The following TXLNB variants were observed in gnomAD, a reference collection of about 807,000 sequenced individuals.
TXLNB encodes taxilin beta, also known as beta-taxilin.
A neutral mutation model predicts 57.4 loss-of-function variants in TXLNB; 37 were observed. That is an observed-to-expected ratio of 0.64 (90% CI 0.50 to 0.85). The LOEUF (loss-of-function observed/expected upper bound fraction) is 0.85. Among genes scored for constraint, TXLNB ranks in the 40% least tolerant of loss-of-function variants. TXLNB has a pLI of 0.00. For missense variants in TXLNB, 848 were observed against 825.6 expected (o/e 1.03, Z -0.33); for synonymous variants, 302 against 309.6 (o/e 0.98, Z 0.26).
the TXLNB span, among the ~76,000 whole-genome samples, chr6:139,212,032 G>A: frequency 6.6e-6 from 1 of 152,194 alleles, no homozygotes; most frequent in South Asian, 2.1e-4. Context: ...AGGGAGAATG[G>A]AACCAAGTTG....
At chr6:139,184,376 T>C in the TXLNB span, among the ~76,000 whole-genome samples, 1 of 152,192 alleles carries the variant, frequency 6.6e-6, no homozygotes, top group African/African-American at 2.4e-5. Flanking sequence ...ATAGAAGTAA[T>C]TCTGTGAGGC....
At chr6:139,196,429 C>G in the TXLNB span, among the ~76,000 whole-genome samples, 1 of 117,724 alleles carries the variant, frequency 8.5e-6, no homozygotes, top group Non-Finnish European at 1.6e-5. Context: ...GGCTGGAGTG[C>G]AATGGTGTGA....
chr6:139,186,515 A>G, the TXLNB span, among the ~76,000 whole-genome samples: 3 of 152,248 alleles, frequency 2.0e-5, no homozygotes, highest in African/African-American at 4.8e-5. Context: ...TGGCAAAGAT[A>G]TGAAGTAATT....
chr6:139,260,462 A>G (rs1197252181), intron 5 of TXLNB, 25 bp from the exon 6 acceptor site: 1 of 1,608,540 alleles, frequency 6.2e-7, no homozygotes, highest in South Asian at 1.1e-5. Context: ...GTGTACATAG[A>G]AAGCTTGGTT....
the TXLNB span, among the ~76,000 whole-genome samples, chr6:139,205,759 T>A: frequency 6.6e-6 from 1 of 152,200 alleles, no homozygotes; most frequent in African/African-American, 2.4e-5. Context: ...AAAACCTATT[T>A]GAGGGAATAA....
chr6:139,239,871 T>TAC (rs146420602), downstream of TXLNB, among the ~76,000 whole-genome samples: 57 of 147,994 alleles, frequency 3.9e-4, no homozygotes, highest in South Asian at 8.0e-3. The surrounding 1 kb of genome is among the most constrained non-coding windows in gnomAD (Gnocchi z 4.7). Context: ...GTCTGTCACA[T>TAC]ACACACACAC....
the TXLNB span, among the ~76,000 whole-genome samples, chr6:139,224,323 G>A: frequency 6.8e-6 from 1 of 147,808 alleles, no homozygotes; most frequent in Admixed American, 6.8e-5. Context: ...GGGAGGGATA[G>A]CATTGGGAGA....
the TXLNB span, among the ~76,000 whole-genome samples, chr6:139,164,634 T>C: frequency 6.6e-6 from 1 of 152,146 alleles, no homozygotes; most frequent in Admixed American, 6.5e-5. Flanking sequence ...CTGCATGGTA[T>C]AAAATCCTAC....
chr6:139,213,910 C>CT, the TXLNB span, among the ~76,000 whole-genome samples: 2,200 of 152,296 alleles, frequency 0.014, 28 homozygotes, highest in Middle Eastern at 0.086. Context: ...CACATACACT[C>CT]TCCCAAGACT....
the TXLNB span, among the ~76,000 whole-genome samples, chr6:139,171,141 A>T: frequency 6.6e-6 from 1 of 152,148 alleles, no homozygotes; most frequent in African/African-American, 2.4e-5. Context: ...AACATGGTTA[A>T]AAATAAGCAT....
At chr6:139,193,853 T>A in the TXLNB span, among the ~76,000 whole-genome samples, 113 of 131,164 alleles carry the variant, frequency 8.6e-4, no homozygotes, top group African/African-American at 3.1e-3. Context: ...TTTTTTTTTT[T>A]TTTTTTGAGA....
chr6:139,280,719 G>A (rs6937468), intron 2 of TXLNB, among the ~76,000 whole-genome samples: 46,026 of 151,902 alleles, frequency 0.3, 7,257 homozygotes, highest in African/African-American at 0.39. Context: ...TTATAAATAC[G>A]TACTTGTGTA....
intron 8 of TXLNB, among the ~76,000 whole-genome samples, chr6:139,246,681 G>A (rs923328648): frequency 3.3e-5 from 5 of 152,076 alleles, no homozygotes; most frequent in Non-Finnish European, 5.9e-5. Context: ...TTGAGAGGCC[G>A]TGGTGGGTGG....
In TXLNB at chr6:139,242,840, G is replaced by A. The variant is rs1434456102; in HGVS notation, c.1741C>T (p.Pro581Ser). The A allele has an allele frequency of 3.7e-6, 6 of 1,613,842 alleles. No individual in the cohort carries two copies. The highest frequency in any genetic ancestry group is 1.1e-5 in the South Asian group (1 of 91,084). The part of the protein sequence containing the change: ...AEPPSKASNS[P>S]AGLGAETQCE... ...TGGGTTTCTGCTCCCAACCCGGCAG[G>A]AGAATTACTGGCCTTGGAGGGAGGT... The change falls in exon 10 of 10, where the codon CCT becomes TCT. Residue 581 changes from proline (P) to serine (S), a missense_variant. Transcript: ENST00000358430.
the TXLNB span, among the ~76,000 whole-genome samples, chr6:139,162,517 AG>A: frequency 6.6e-6 from 1 of 152,230 alleles, no homozygotes; most frequent in Non-Finnish European, 1.5e-5. Context: ...GTCTGGTTGC[AG>A]AGTCTGAACT....
chr6:139,314,307 T>C, the TXLNB span, among the ~76,000 whole-genome samples: 4 of 152,358 alleles, frequency 2.6e-5, no homozygotes, highest in South Asian at 4.1e-4. Flanking sequence ...GTTTCATCTA[T>C]GTAACAAGAA....
At chr6:139,166,929 C>T in the TXLNB span, 4 of 1,614,034 alleles carry the variant, frequency 2.5e-6, no homozygotes, top group African/African-American at 4.0e-5. Flanking sequence ...CATCTGGAGC[C>T]TCACAAGAAG....
At chr6:139,295,232 A>G (rs1250655479), upstream of TXLNB, among the ~76,000 whole-genome samples, 1 of 152,220 alleles carries the variant, frequency 6.6e-6, no homozygotes, top group South Asian at 2.1e-4. Context: ...TAATACAAAC[A>G]TGCAAAACTG....
the TXLNB span, among the ~76,000 whole-genome samples, chr6:139,321,633 CTTTTTTT>C: frequency 2.7e-4 from 23 of 84,348 alleles, no homozygotes; most frequent in South Asian, 2.0e-3. Flanking sequence ...ACTACTCTCT[CTTTTTTT>C]TTTTTTTTTT....
Sources: gnomAD v4.1 joint callset for allele counts (sites outside exome capture counted in the v4.1 genomes callset) on GRCh38, gnomAD v4.1.1 for gene constraint, Gnocchi (gnomAD v3.1) non-coding constraint, MANE v1.5 for transcripts, NCBI Gene and HGNC (gene_info 2026-07-23, HGNC 2026-07-21) for gene names.